Variants in PTPRT observed in about 807,000 individuals in gnomAD.
PTPRT encodes the protein protein tyrosine phosphatase receptor type T, also known as receptor-type tyrosine-protein phosphatase T.
A neutral mutation model predicts 176.8 loss-of-function variants in PTPRT; 56 were observed. The ratio of observed to expected loss-of-function variants is 0.32; its 90% CI spans 0.26 to 0.40. The LOEUF (loss-of-function observed/expected upper bound fraction) is 0.40. Ranked by LOEUF, PTPRT falls within the 10% of genes least tolerant of loss-of-function variation. PTPRT has a pLI of 1.00. For synonymous variants in PTPRT, 783 were observed against 739.0 expected, an observed-to-expected ratio of 1.06 and a Z score of -0.96; for missense variants, 1,540 against 1,908.2, an observed-to-expected ratio of 0.81 and a Z score of 3.60.
At chr20:42,100,362 T>C (rs1288566182) in intron 26 of PTPRT, among the ~76,000 whole-genome samples, 1 of 152,242 alleles carries the variant, frequency 6.6e-6, no homozygotes, top group Non-Finnish European at 1.5e-5. Context: ...GAGGACTTCA[T>C]ATTTTTCTGC....
intron 7 of PTPRT, among the ~76,000 whole-genome samples, chr20:42,526,581 G>A (rs888473034): frequency 2.0e-5 from 3 of 151,894 alleles, no homozygotes; most frequent in Admixed American, 6.6e-5. Flanking sequence ...GATAAATTTG[G>A]TCCCAGTTTT....
chr20:42,153,620 G>C (rs1395442998), intron 17 of PTPRT, among the ~76,000 whole-genome samples: 1 of 152,112 alleles, frequency 6.6e-6, no homozygotes, highest in African/African-American at 2.4e-5. Flanking sequence ...CCTTAATGGG[G>C]AATCTCACAC....
Position 42,076,438 on chromosome 20 carries a change from C to G in PTPRT, c.*4441G>C, listed in dbSNP as rs41278140. 7 of 204,170 alleles carry G rather than the reference C, an allele frequency of 3.4e-5. No individual in the cohort carries two copies. The highest frequency in any genetic ancestry group is 1.8e-4 in the Admixed American group (3 of 16,692). 12.6% of individuals were successfully genotyped at this position (204,170 alleles called of 1,614,324 possible). Reference sequence around the variant, plus strand: ...GGTTTTGTGGGCTCATCCTTCTCCACGCCAGATGAGCAAATCCTCATCATT... The same window carrying G: ...GGTTTTGTGGGCTCATCCTTCTCCAGGCCAGATGAGCAAATCCTCATCATT... On this transcript the variant is annotated 3_prime_UTR_variant, in exon 31 of 31. Transcript: ENST00000373187.
chr20:43,117,826 A>G (rs2013115113), intron 1 of PTPRT, among the ~76,000 whole-genome samples: 1 of 152,188 alleles, frequency 6.6e-6, no homozygotes, highest in Non-Finnish European at 1.5e-5. Flanking sequence ...GCTCTCATTT[A>G]AGGTCAACCT....
chr20:42,217,356 T>C (rs929678638), intron 15 of PTPRT, among the ~76,000 whole-genome samples: 8 of 128,334 alleles, frequency 6.2e-5, no homozygotes, highest in African/African-American at 2.0e-4. Flanking sequence ...GCCTGGGGGA[T>C]AGAGTGAGAC....
At chr20:42,445,542 G>C (rs934828388) in intron 9 of PTPRT, among the ~76,000 whole-genome samples, 3 of 152,240 alleles carry the variant, frequency 2.0e-5, no homozygotes, top group Admixed American at 6.5e-5. Context: ...TCATGTTTAT[G>C]CTCACAATAC....
rs185439087 is a variant in PTPRT at position 42,862,771 on chromosome 20, T to C, written c.214+23036A>G. 9.7e-4 allele frequency among the ~76,000 whole-genome samples: 148 copies of C among 152,338 alleles called. 1 individual carries two copies. The highest frequency in any genetic ancestry group is 6.8e-3 in the Middle Eastern group (2 of 294). On this transcript the variant is annotated intron_variant, in intron 2 of 30. Coordinates refer to ENST00000373187, the MANE Select transcript of PTPRT (RefSeq NM_007050.6). ...GCAAAACAAGTGATAATTTACTACA[T>C]TACAGCCCATATCGGCTGGGTTTAC...
chr20:42,694,030 A>C (rs13433138), intron 6 of PTPRT, among the ~76,000 whole-genome samples: 42,134 of 111,410 alleles, frequency 0.38, 7,299 homozygotes, highest in African/African-American at 0.62. Flanking sequence ...TTTTTCTTTT[A>C]TTTTATTTTC....
At chr20:42,353,975 G>T (rs2058323675) in intron 9 of PTPRT, among the ~76,000 whole-genome samples, 1 of 152,046 alleles carries the variant, frequency 6.6e-6, no homozygotes, top group African/African-American at 2.4e-5. Flanking sequence ...GATGGCTTGA[G>T]CCCAGGAGTT....
chr20:42,200,262 C>T (rs6030045), intron 15 of PTPRT, among the ~76,000 whole-genome samples: 76 of 152,318 alleles, frequency 5.0e-4, no homozygotes, highest in Middle Eastern at 3.4e-3. Context: ...GGGCAAATTT[C>T]TTACTCTAAA....
chr20:42,048,287 T>C, the PTPRT span, among the ~76,000 whole-genome samples: 4 of 152,222 alleles, frequency 2.6e-5, no homozygotes, highest in East Asian at 3.9e-4. Context: ...TCTGTTGTTG[T>C]ATATGTTTTA....
rs190506964 is a variant in PTPRT at position 42,452,569 on chromosome 20, C to T, written c.1451-4240G>A. 6.6e-5 allele frequency among the ~76,000 whole-genome samples: 10 copies of T among 152,040 alleles called. No individual in the cohort carries two copies. The East Asian group carries it at 1.9e-3, about 30-fold the overall frequency. ...GAAGCTTTAATCACAGAGTAGAAGG[C>T]AAGCAGAATAGAGAGATGAAAATTC... On this transcript the variant is annotated intron_variant, in intron 8 of 30. Coordinates refer to ENST00000373187, the MANE Select transcript of PTPRT (RefSeq NM_007050.6).
At chr20:42,953,437 A>C (rs944662620) in intron 1 of PTPRT, among the ~76,000 whole-genome samples, 1 of 152,226 alleles carries the variant, frequency 6.6e-6, no homozygotes, top group Non-Finnish European at 1.5e-5. Context: ...CATGGTACCC[A>C]CTGCCATCCC....
chr20:42,515,718 T>C (rs978196084), intron 7 of PTPRT, among the ~76,000 whole-genome samples: 2 of 152,098 alleles, frequency 1.3e-5, no homozygotes, highest in African/African-American at 2.4e-5. Context: ...AGCACCCAGA[T>C]CAAGAATGAA....
At chr20:42,787,568 G>A (rs1323188543) in intron 3 of PTPRT, among the ~76,000 whole-genome samples, 1 of 152,156 alleles carries the variant, frequency 6.6e-6, no homozygotes, top group Non-Finnish European at 1.5e-5. Flanking sequence ...GAATCTCGGG[G>A]AACACATGTT....
In PTPRT at chr20:42,715,647, AC is replaced by A. The variant is rs1318818533; in HGVS notation, c.860-37489del. Among the ~76,000 whole-genome samples, 3 of 152,108 alleles carry A rather than the reference AC, an allele frequency of 2.0e-5. No homozygotes were observed. The East Asian group carries it at 5.8e-4, about 29-fold the overall frequency. ...TACACAAATATTAAAAAATAAAGAG[AC>A]TTTGCAACCCGTGACAGTGCAGAAA... On this transcript the variant is annotated intron_variant, in intron 6 of 30. Coordinates refer to ENST00000373187, the MANE Select transcript of PTPRT (RefSeq NM_007050.6).
chr20:42,560,015 T>A (rs2145645442), intron 7 of PTPRT, among the ~76,000 whole-genome samples: 1 of 152,290 alleles, frequency 6.6e-6, no homozygotes, highest in East Asian at 1.9e-4. Flanking sequence ...CCTGCCCTCA[T>A]TTTGACAGCA....
chr20:42,793,383 G>A (rs549839384), intron 2 of PTPRT, among the ~76,000 whole-genome samples: 2 of 152,180 alleles, frequency 1.3e-5, no homozygotes, highest in East Asian at 1.9e-4. Context: ...CACACTCTGC[G>A]TCCATGTGTA....
chr20:42,365,877 G>GA (rs1475890842), intron 9 of PTPRT, among the ~76,000 whole-genome samples: 4 of 152,166 alleles, frequency 2.6e-5, no homozygotes, highest in African/African-American at 9.6e-5. Flanking sequence ...GTTCTTGTGG[G>GA]AAAGCATCCA....
Sources: gnomAD v4.1 joint callset for allele counts (sites outside exome capture counted in the v4.1 genomes callset) on GRCh38, gnomAD v4.1.1 for gene constraint, MANE v1.5 for transcripts, NCBI Gene and HGNC (gene_info 2026-07-23, HGNC 2026-07-21) for gene names.